Variants in ZFPM2 observed in about 807,000 individuals in gnomAD.
The protein encoded by ZFPM2 is zinc finger protein, FOG family member 2.
ZFPM2 carries 20 observed loss-of-function variants against 98.6 expected under a neutral mutation model. The observed-to-expected ratio is 0.20, with a 90% confidence interval of 0.14 to 0.29. ZFPM2 has a LOEUF of 0.29. Ranked by LOEUF, ZFPM2 falls within the 10% of genes least tolerant of loss-of-function variation. ZFPM2 has a pLI of 1.00. For synonymous variants in ZFPM2, 518 were observed against 502.7 expected (o/e 1.03, Z -0.41); for missense variants, 1,310 against 1,388.6 (o/e 0.94, Z 0.90).
At chr8:105,504,123 A>G (rs992754155) in intron 3 of ZFPM2, among the ~76,000 whole-genome samples, 1 of 152,042 alleles carries the variant, frequency 6.6e-6, no homozygotes, top group African/African-American at 2.4e-5. Flanking sequence ...GTTCTTAAAC[A>G]TTTTTCTTCC....
At chr8:105,474,633 C>T (rs904572246) in intron 3 of ZFPM2, among the ~76,000 whole-genome samples, 1 of 152,098 alleles carries the variant, frequency 6.6e-6, no homozygotes, top group Non-Finnish European at 1.5e-5. Context: ...AAATTTATAT[C>T]ATTTATCTTC....
At chr8:105,418,574 A>G (rs1169497105) in intron 1 of ZFPM2, 1 of 518,334 alleles carries the variant, frequency 1.9e-6, no homozygotes. Flanking sequence ...ATTAATTATG[A>G]ATAGGGTTAT....
intron 1 of ZFPM2, among the ~76,000 whole-genome samples, chr8:105,377,405 G>A (rs73300106): frequency 0.082 from 12,442 of 151,874 alleles, 1,705 homozygotes; most frequent in African/African-American, 0.28. Flanking sequence ...ACTTAGTTCT[G>A]AAAGAGGCCT....
intron 5 of ZFPM2, among the ~76,000 whole-genome samples, chr8:105,681,547 C>T (rs1810601489): frequency 6.6e-6 from 1 of 152,088 alleles, no homozygotes; most frequent in Non-Finnish European, 1.5e-5. Context: ...TTAATTTACT[C>T]ATCTTTATAG....
intron 4 of ZFPM2, among the ~76,000 whole-genome samples, chr8:105,568,155 A>G (rs1815278860): frequency 6.6e-6 from 1 of 152,106 alleles, no homozygotes; most frequent in African/African-American, 2.4e-5. Context: ...ATGACATTTA[A>G]ATAAAAAAAT....
chr8:105,411,513 A>G (rs1811576569), intron 1 of ZFPM2, among the ~76,000 whole-genome samples: 2 of 151,896 alleles, frequency 1.3e-5, no homozygotes, highest in Admixed American at 6.6e-5. Context: ...ATAAATACAT[A>G]AAACTCTCAT....
chr8:105,453,190 A>G (rs1812521292), intron 3 of ZFPM2, among the ~76,000 whole-genome samples: 1 of 152,232 alleles, frequency 6.6e-6, no homozygotes, highest in Non-Finnish European at 1.5e-5. Context: ...AGTATTAACT[A>G]TATGCAACAC....
chr8:105,700,864 T>C (rs1024574425), intron 5 of ZFPM2, among the ~76,000 whole-genome samples: 2 of 152,212 alleles, frequency 1.3e-5, no homozygotes, highest in African/African-American at 4.8e-5. Context: ...GCGCTGGGAT[T>C]ACAGGCGTGA....
chr8:105,554,113 A>G (rs192082185), intron 3 of ZFPM2, among the ~76,000 whole-genome samples: 1 of 152,344 alleles, frequency 6.6e-6, no homozygotes, highest in East Asian at 1.9e-4. Context: ...AAGGAAAATT[A>G]GAAAAAGTAT....
chr8:105,690,144 G>A lies in ZFPM2; in HGVS notation c.532+55787G>A, dbSNP rs1202376470. On this transcript the variant is annotated intron_variant, in intron 5 of 7. Coordinates refer to ENST00000407775, the MANE Select transcript of ZFPM2 (RefSeq NM_012082.4). ...TATACCTCAATTAGGATGCCAGGGA[G>A]AGGTTACCGTCTTCACTTTGATGTT... Among the ~76,000 whole-genome samples, 3 of 152,180 alleles carry A rather than the reference G, an allele frequency of 2.0e-5. No homozygotes were observed. The East Asian group carries it at 5.8e-4, about 29-fold the overall frequency.
intron 5 of ZFPM2, among the ~76,000 whole-genome samples, chr8:105,713,763 G>A (rs935026232): frequency 6.6e-6 from 1 of 152,012 alleles, no homozygotes; most frequent in African/African-American, 2.4e-5. Context: ...AAAATCAGAT[G>A]GTTATAGGTG....
At chr8:105,453,422 A>C (rs2130262799) in intron 3 of ZFPM2, among the ~76,000 whole-genome samples, 1 of 152,302 alleles carries the variant, frequency 6.6e-6, no homozygotes, top group South Asian at 2.1e-4. Context: ...TTCAGTAATG[A>C]CTTCTGTGAG....
intron 1 of ZFPM2, among the ~76,000 whole-genome samples, chr8:105,329,930 A>G (rs1275656366): frequency 6.6e-6 from 1 of 151,732 alleles, no homozygotes; most frequent in Admixed American, 6.6e-5. Flanking sequence ...TTCTTGACAC[A>G]TATTCAAATC....
intron 4 of ZFPM2, among the ~76,000 whole-genome samples, chr8:105,565,543 A>G (rs1815226166): frequency 6.6e-6 from 1 of 152,172 alleles, no homozygotes. Flanking sequence ...TGGGAAGTTA[A>G]ATAACTAGCC....
At chr8:105,495,874 C>T (rs1813456172) in intron 3 of ZFPM2, among the ~76,000 whole-genome samples, 1 of 152,172 alleles carries the variant, frequency 6.6e-6, no homozygotes, top group East Asian at 1.9e-4. Flanking sequence ...TATCACACCA[C>T]TATTTTTGTT....
intron 4 of ZFPM2, among the ~76,000 whole-genome samples, chr8:105,563,480 A>C (rs1815182111): frequency 6.6e-6 from 1 of 152,174 alleles, no homozygotes; most frequent in African/African-American, 2.4e-5. Flanking sequence ...GTCCAGACCA[A>C]ATATTTAATA....
intron 5 of ZFPM2, among the ~76,000 whole-genome samples, chr8:105,713,704 A>G (rs1256906286): frequency 2.6e-5 from 4 of 152,220 alleles, no homozygotes; most frequent in South Asian, 2.1e-4. Flanking sequence ...AGCACCATTT[A>G]TTGAATAGAT....
rs73297244 is a variant in ZFPM2, at chr8:105,654,001, C to T, written c.532+19644C>T. Among the ~76,000 whole-genome samples the T allele has an allele frequency of 7.6e-3, 1,151 of 151,412 alleles. 20 individuals are homozygous for T. The highest frequency in any genetic ancestry group is 0.026 in the African/African-American group (1,065 of 41,334). ...GCTATTTGTCTTCTTCTCTCCAACA[C>T]CTCTTATTTTATATTAGGCATTAAA... On this transcript the variant is annotated intron_variant, in intron 5 of 7. Coordinates refer to ENST00000407775, the MANE Select transcript of ZFPM2 (RefSeq NM_012082.4).
chr8:105,634,384 CTT>C, intron 5 of ZFPM2, 27 bp downstream of exon 5: 1 of 1,563,938 alleles, frequency 6.4e-7, no homozygotes, highest in Non-Finnish European at 8.7e-7. Context: ...TTCCCTCTCT[CTT>C]TGGAAGTATT....
Sources: gnomAD v4.1 joint callset for allele counts (sites outside exome capture counted in the v4.1 genomes callset) on GRCh38, gnomAD v4.1.1 for gene constraint, MANE v1.5 for transcripts, NCBI Gene and HGNC (gene_info 2026-07-23, HGNC 2026-07-21) for gene names.